The following PCDH15 variants were observed in gnomAD, a reference collection of about 807,000 sequenced individuals.
The protein encoded by PCDH15 is protocadherin-15.
PCDH15 carries 129 observed loss-of-function variants against 178.5 expected under a neutral mutation model. The ratio of observed to expected loss-of-function variants is 0.72; its 90% confidence interval spans 0.63 to 0.84. The LOEUF is 0.84. PCDH15 is among the 40% of genes least tolerant of loss of function. The pLI is 0.00. For missense variants in PCDH15, 2,230 were observed against 2,099.9 expected (o/e 1.06, Z -1.21); for synonymous variants, 800 against 732.0 (o/e 1.09, Z -1.50).
intron 1 of PCDH15, among the ~76,000 whole-genome samples, chr10:55,312,515 T>TA (rs1262469657): frequency 6.6e-6 from 1 of 152,032 alleles, no homozygotes; most frequent in Non-Finnish European, 1.5e-5. Context: ...GTGTCTTACT[T>TA]AAAAAAAGGC....
intron 2 of PCDH15, among the ~76,000 whole-genome samples, chr10:54,659,998 A>T (rs867107458): frequency 6.6e-6 from 1 of 152,116 alleles, no homozygotes; most frequent in Non-Finnish European, 1.5e-5. Context: ...ATCTTAAATT[A>T]ATAATCCAAT....
chr10:54,868,040 T>G (rs950721593), intron 3 of PCDH15, among the ~76,000 whole-genome samples: 4 of 152,202 alleles, frequency 2.6e-5, no homozygotes, highest in African/African-American at 9.6e-5. Flanking sequence ...TATTTCACAA[T>G]GTACACTTAT....
chr10:54,515,235 G>C (rs780964768), intron 3 of PCDH15, among the ~76,000 whole-genome samples: 2 of 152,204 alleles, frequency 1.3e-5, no homozygotes, highest in Non-Finnish European at 2.9e-5. Context: ...TCAAAGAAAG[G>C]GGTGACAGAT....
chr10:54,481,078 A>G (rs531442670), intron 3 of PCDH15, among the ~76,000 whole-genome samples: 2 of 151,970 alleles, frequency 1.3e-5, no homozygotes, highest in South Asian at 2.1e-4. Context: ...AGATTTTAGT[A>G]ACACCTAATT....
chr10:55,035,955 C>A (rs1484593806), intron 2 of PCDH15, among the ~76,000 whole-genome samples: 1 of 152,198 alleles, frequency 6.6e-6, no homozygotes, highest in East Asian at 1.9e-4. Flanking sequence ...ATTCTCTTAA[C>A]AATTAGTTAA....
chr10:55,312,704 G>A (rs775134883), intron 1 of PCDH15, among the ~76,000 whole-genome samples: 3 of 151,278 alleles, frequency 2.0e-5, no homozygotes, highest in Admixed American at 6.6e-5. Flanking sequence ...CGCAACCTCC[G>A]CCTTCTGGGT....
intron 21 of PCDH15, among the ~76,000 whole-genome samples, chr10:53,983,748 C>T (rs530049684): frequency 1.6e-4 from 25 of 152,056 alleles, no homozygotes; most frequent in African/African-American, 5.3e-4. Context: ...TTTGGCACAC[C>T]GTCAGACTTT....
rs200740857 is a variant in PCDH15 at position 55,282,075 on chromosome 10, T to C, written c.-156+37524A>G. On this transcript the variant is annotated intron_variant, in intron 1 of 5. Coordinates refer to the PCDH15 transcript ENST00000458638. ...CCAAGAAAGAGCAATGTTTTAAAAA[T>C]GCAAATTCAATCACTTAATTCCTCT... Among the ~76,000 whole-genome samples the C allele has an allele frequency of 6.6e-5, 10 of 152,280 alleles. No individual in the cohort carries two copies. The East Asian group carries it at 1.9e-3, about 29-fold the overall frequency.
intron 2 of PCDH15, among the ~76,000 whole-genome samples, chr10:55,443,133 A>T (rs1839235200): frequency 6.6e-6 from 1 of 152,172 alleles, no homozygotes; most frequent in Non-Finnish European, 1.5e-5. Flanking sequence ...TTATACAAAA[A>T]TTAACTCAAG....
intron 32 of PCDH15, chr10:53,822,460 GAGGAGA>G (rs1439231620): frequency 6.2e-7 from 1 of 1,603,786 alleles, no homozygotes; most frequent in African/African-American, 1.3e-5. Flanking sequence ...GGAGGAGAAG[GAGGAGA>G]AATAGGAGGA....
intron 18 of PCDH15, 98 bp from the exon 19 acceptor site, chr10:54,023,295 C>A: frequency 2.5e-6 from 3 of 1,209,702 alleles, no homozygotes; most frequent in Non-Finnish European, 3.5e-6. Flanking sequence ...TTTTTCTAAC[C>A]AAAAATTATT....
rs545546697 is a variant in PCDH15 at position 55,226,590 on chromosome 10, C to G, written c.-155-59939G>C. 2.8e-4 allele frequency among the ~76,000 whole-genome samples: 42 copies of G among 151,982 alleles called. 1 individual carries two copies. The East Asian group carries it at 7.7e-3, about 28-fold the overall frequency. On this transcript the variant is annotated intron_variant, in intron 1 of 5. Coordinates refer to the PCDH15 transcript ENST00000458638. ...AGACACGGGGTTTCATCATGTTGGCCAGGCTGGTCTCGAACTCCTGACCTC... is the reference window on the plus strand; with the variant it reads ...AGACACGGGGTTTCATCATGTTGGCGAGGCTGGTCTCGAACTCCTGACCTC...
intron 23 of PCDH15, among the ~76,000 whole-genome samples, chr10:53,956,785 G>A (rs1362470513): frequency 6.6e-6 from 1 of 152,114 alleles, no homozygotes; most frequent in Admixed American, 6.5e-5. Flanking sequence ...TCTCCCACAT[G>A]TACCCATGTG....
intron 13 of PCDH15, among the ~76,000 whole-genome samples, chr10:54,154,016 G>T (rs2044834976): frequency 6.6e-6 from 1 of 152,098 alleles, no homozygotes; most frequent in African/African-American, 2.4e-5. Flanking sequence ...CATCTGTATA[G>T]CCAATTTACA....
chr10:54,835,233 G>C (rs1018681233), intron 3 of PCDH15, among the ~76,000 whole-genome samples: 7 of 152,056 alleles, frequency 4.6e-5, no homozygotes, highest in Non-Finnish European at 1.5e-5. Context: ...ATATCTTCAT[G>C]GTCGCAATGA....
intron 21 of PCDH15, among the ~76,000 whole-genome samples, chr10:53,964,989 A>T (rs141318009): frequency 6.6e-6 from 1 of 152,244 alleles, no homozygotes; most frequent in African/African-American, 2.4e-5. Context: ...TTTACTATGT[A>T]TCAGACTGCA....
At chr10:54,567,181 T>C (rs551553520) in intron 2 of PCDH15, among the ~76,000 whole-genome samples, 1 of 152,178 alleles carries the variant, frequency 6.6e-6, no homozygotes, top group South Asian at 2.1e-4. Context: ...AAATGAGTGG[T>C]TTGTTTTCTT....
At chr10:54,460,862 A>G (rs1361954321) in intron 3 of PCDH15, among the ~76,000 whole-genome samples, 1 of 152,154 alleles carries the variant, frequency 6.6e-6, no homozygotes, top group Non-Finnish European at 1.5e-5. Flanking sequence ...AGTGTTAAAT[A>G]GCCAATGCTA....
At position 55,334,231 on chromosome 10, in the gene PCDH15, T is replaced by TAC. The variant is rs1565021295; in HGVS notation, c.-155-167581_-155-167580insGT. ...ATAACTAGGGTGCTCCATATATATA[T>TAC]ATATATATATATGTGTGTGTGTGTG... On this transcript the variant is annotated intron_variant, in intron 2 of 5. Coordinates refer to the PCDH15 transcript ENST00000613346. Among the ~76,000 whole-genome samples, 3 of 109,600 alleles carry TAC rather than the reference T, an allele frequency of 2.7e-5. No homozygotes were observed. The East Asian group carries it at 8.5e-4, about 31-fold the overall frequency. 71.9% of individuals were successfully genotyped at this position (109,600 alleles called of 152,430 possible).
Sources: gnomAD v4.1 joint callset for allele counts (sites outside exome capture counted in the v4.1 genomes callset) on GRCh38, gnomAD v4.1.1 for gene constraint, MANE v1.5 for transcripts, NCBI Gene and HGNC (gene_info 2026-07-23, HGNC 2026-07-21) for gene names.